Variants in PRRC2C observed in about 807,000 individuals in gnomAD.
The protein encoded by PRRC2C is protein PRRC2C.
Under a neutral mutation model 317.2 loss-of-function variants are expected in PRRC2C, and 72 were observed. That is an observed-to-expected ratio of 0.23 (90% CI 0.19 to 0.28). The LOEUF is 0.28. PRRC2C is among the 10% of genes least tolerant of loss of function. The pLI is 1.00. For synonymous variants in PRRC2C, 1,296 were observed against 1,205.9 expected (o/e 1.07, Z -1.55); for missense variants, 3,074 against 3,459.7 (o/e 0.89, Z 2.80).
At chr1:171,535,283 A>G (rs903689162) in intron 12 of PRRC2C, 145 bp from the exon 13 acceptor site, 9 of 639,922 alleles carry the variant, frequency 1.4e-5, no homozygotes, top group African/African-American at 1.9e-5. Context: ...ATAACTACCA[A>G]TGTTAAAGTA....
intron 1 of PRRC2C, among the ~76,000 whole-genome samples, chr1:171,503,901 T>C (rs1571621040): frequency 6.6e-6 from 1 of 152,124 alleles, no homozygotes; most frequent in African/African-American, 2.4e-5. Flanking sequence ...AAACTTCCCT[T>C]TATAAAACCA....
intron 1 of PRRC2C, among the ~76,000 whole-genome samples, chr1:171,500,774 C>T (rs1211482298): frequency 6.6e-6 from 1 of 152,124 alleles, no homozygotes; most frequent in African/African-American, 2.4e-5. Context: ...CTTTAAAATC[C>T]CTGGCTTCCT....
chr1:171,565,403 T>G (rs866943238), intron 20 of PRRC2C, among the ~76,000 whole-genome samples: 1 of 152,222 alleles, frequency 6.6e-6, no homozygotes, highest in Non-Finnish European at 1.5e-5. Context: ...TTAGACTGAT[T>G]AGCACATCTG....
chr1:171,536,288 A>G lies in PRRC2C; in HGVS notation c.2293+10A>G, dbSNP rs751843590. On this transcript the variant is annotated intron_variant, in intron 14 of 34. Transcript: ENST00000647382. ...CCACCCATTCATCCTGGTCAGTTGA[A>G]TTTGCATTTATAGTTTTACAGGATC... 1 of 1,611,400 alleles carries G rather than the reference A, an allele frequency of 6.2e-7. No homozygotes were observed. The highest frequency in any genetic ancestry group is 1.1e-5 in the South Asian group (1 of 90,490).
At chr1:171,533,718 G>C (rs1042369044) in intron 12 of PRRC2C, among the ~76,000 whole-genome samples, 1 of 152,162 alleles carries the variant, frequency 6.6e-6, no homozygotes, top group Admixed American at 6.5e-5. Flanking sequence ...CCACCTCCCA[G>C]GTTCAAGTGA....
In PRRC2C at chr1:171,517,657, A is replaced by G. The variant is rs748085730; in HGVS notation, c.593A>G (p.Lys198Arg). The G allele has an allele frequency of 1.9e-6, 3 of 1,612,894 alleles. No individual in the cohort carries two copies. The highest frequency in any genetic ancestry group is 2.2e-5 in the East Asian group (1 of 44,876). Residue 198 changes from lysine (K) to arginine (R), a missense_variant, in exon 6 of 35, where the codon AAG becomes AGG. This residue lies in a region of PRRC2C where 237 missense variants were observed against 199.5 expected (regional missense o/e 1.19). Transcript: ENST00000647382. Reference protein sequence around the residue: ...GSPSSSDQDEKLPGQDESTAG... With the variant: ...GSPSSSDQDERLPGQDESTAG... ...CCTTCGTCATCTGATCAAGATGAAA[A>G]GCTCCCTGGCCAGGATGAAAGCACA...
chr1:171,517,495 C>T lies in PRRC2C; in HGVS notation c.527-96C>T, dbSNP rs1672603182. 3 of 1,133,256 alleles carry T rather than the reference C, an allele frequency of 2.6e-6. No individual in the cohort carries two copies. In the East Asian group the frequency reaches 7.4e-5, roughly 28 times the overall value. The allele number at this position is 1,133,256 out of a possible 1,614,324, so 70.2% of individuals were successfully genotyped here. The stretch of plus-strand genomic sequence containing the variant: ...AGACTTTTCCTGCTCTTTCACTCTG[C>T]TTACTTGCTTTCATTTTCCTGAAAT... On this transcript the variant is annotated intron_variant, in intron 5 of 34. Transcript: ENST00000647382.
At chr1:171,548,052 G>A (rs1328352744) in intron 17 of PRRC2C, among the ~76,000 whole-genome samples, 1 of 152,046 alleles carries the variant, frequency 6.6e-6, no homozygotes, top group Non-Finnish European at 1.5e-5. Flanking sequence ...TGCAACCTCT[G>A]CCTCCCAGGT....
intron 28 of PRRC2C, among the ~76,000 whole-genome samples, chr1:171,582,698 A>G (rs1250969775): frequency 1.3e-5 from 2 of 152,186 alleles, no homozygotes; most frequent in African/African-American, 2.4e-5. Flanking sequence ...AATATAGCAT[A>G]CAAGATTAAA....
Position 171,579,959 on chromosome 1 carries a change from A to G in PRRC2C, c.7404A>G (p.Pro2468=). Residue 2468 remains proline (P), a synonymous_variant, in exon 28 of 35, where the codon CCA becomes CCG. Coordinates refer to ENST00000647382, the MANE Select transcript of PRRC2C (RefSeq NM_001387844.1). ...AQELFSSSLQ[P]YRSQPAFMQS... ...AATTGTTCAGCTCCTCACTTCAACCATATAGGTAAATGCTTTAAAAGTTAT... is the reference window on the plus strand; with the variant it reads ...AATTGTTCAGCTCCTCACTTCAACCGTATAGGTAAATGCTTTAAAAGTTAT... 4 of 1,537,228 alleles carry G rather than the reference A, an allele frequency of 2.6e-6. No homozygotes were observed. Among genetic ancestry groups the G allele is most frequent in the Admixed American group, 4.5e-5 (2 of 44,520 alleles).
At chr1:171,533,858 G>A (rs1436556546) in intron 12 of PRRC2C, among the ~76,000 whole-genome samples, 2 of 152,132 alleles carry the variant, frequency 1.3e-5, no homozygotes, top group East Asian at 1.9e-4. Flanking sequence ...TCTTGACCTC[G>A]TGATCTGCCT....
intron 1 of PRRC2C, among the ~76,000 whole-genome samples, chr1:171,489,400 A>G (rs1318704125): frequency 2.0e-5 from 3 of 152,224 alleles, no homozygotes; most frequent in Non-Finnish European, 2.9e-5. Flanking sequence ...TCCACTCCCA[A>G]GGTGTTCACA....
At chr1:171,520,109 C>T (rs1157975184) in intron 6 of PRRC2C, among the ~76,000 whole-genome samples, 4 of 152,256 alleles carry the variant, frequency 2.6e-5, no homozygotes, top group South Asian at 4.1e-4. Context: ...ATTACAGGGG[C>T]ACGCCATCAC....
At chr1:171,577,715 C>CGG (rs1647342662) in intron 26 of PRRC2C, 78 bp downstream of exon 26, 6 of 1,300,074 alleles carry the variant, frequency 4.6e-6, no homozygotes, top group Non-Finnish European at 6.5e-6. Flanking sequence ...CTCTTCTTAC[C>CGG]CTTTCAGCTA....
In PRRC2C at chr1:171,555,195, G is replaced by A. The variant is rs532416538; in HGVS notation, c.5128-2045G>A. ...CTTTTTTCTCTAAACTTCTCTTCTC[G>A]CTTCATTTCATTTATTTGATCTTCA... On this transcript the variant is annotated intron_variant, in intron 18 of 34. Transcript: ENST00000647382. Among the ~76,000 whole-genome samples the A allele has an allele frequency of 4.2e-3, 633 of 151,890 alleles. 4 individuals are homozygous for A. Among genetic ancestry groups the A allele is most frequent in the African/African-American group, 0.013 (558 of 41,374 alleles).
Position 171,541,747 on chromosome 1 carries a change from T to A in PRRC2C, c.4281T>A (p.Pro1427=). The A allele has an allele frequency of 6.2e-7, 1 of 1,613,964 alleles. No individual in the cohort carries two copies. ...PARERPRRQR[P]TRPPRQDKPP... ...GAGAAAGGCCTCGAAGGCAGCGTCC[T>A]ACTCGACCACCAAGGCAAGACAAGC... The change falls in exon 16 of 35, where the codon CCT becomes CCA. Residue 1427 remains proline (P), a synonymous_variant. Transcript: ENST00000647382. This position sits in a 1 kb window ranked among gnomAD's most constrained non-coding sequence, Gnocchi z 4.1.
intron 18 of PRRC2C, among the ~76,000 whole-genome samples, chr1:171,555,229 T>C (rs1204424654): frequency 6.6e-6 from 1 of 152,254 alleles, no homozygotes; most frequent in Non-Finnish European, 1.5e-5. Context: ...CAGTCACTGA[T>C]ACACTTTCTT....
intron 1 of PRRC2C, among the ~76,000 whole-genome samples, chr1:171,501,064 AG>A (rs1669032734): frequency 6.6e-6 from 1 of 151,668 alleles, no homozygotes; most frequent in Non-Finnish European, 1.5e-5. Context: ...ATACCCAGCT[AG>A]TTTATTTATT....
chr1:171,559,159 G>A (rs1682064516), intron 19 of PRRC2C, among the ~76,000 whole-genome samples: 1 of 152,196 alleles, frequency 6.6e-6, no homozygotes, highest in Admixed American at 6.5e-5. Flanking sequence ...AAAGTGCAAG[G>A]CAAAGCAGCA....
Sources: allele counts gnomAD v4.1 joint callset (sites outside exome capture counted in the v4.1 genomes callset), GRCh38; gene constraint gnomAD v4.1.1; regional missense constraint gnomAD v4.1.1; non-coding constraint Gnocchi (gnomAD v3.1); transcripts MANE v1.5; gene names NCBI Gene and HGNC (gene_info 2026-07-23, HGNC 2026-07-21).